Variants in DLG1 observed in about 807,000 individuals in gnomAD.
DLG1 encodes the protein discs large MAGUK scaffold protein 1.
In DLG1, 42 loss-of-function variants were observed where a neutral mutation model predicts 123.4. That is an observed-to-expected ratio of 0.34 (90% CI 0.27 to 0.44). DLG1 has a LOEUF of 0.44. Among genes scored for constraint, DLG1 ranks in the 20% least tolerant of loss-of-function variants. DLG1 has a pLI of 1.00. For synonymous variants in DLG1, 317 were observed against 356.2 expected (o/e 0.89, Z 1.24); for missense variants, 942 against 1,082.6 (o/e 0.87, Z 1.82).
At chr3:197,251,763 C>T (rs1485118915) in intron 4 of DLG1, among the ~76,000 whole-genome samples, 3 of 152,156 alleles carry the variant, frequency 2.0e-5, no homozygotes, top group Admixed American at 6.5e-5. Context: ...TTCCAAACTA[C>T]CCGTCTGACA....
At chr3:197,297,830 C>G (rs1421382709) in intron 1 of DLG1, 1 of 985,262 alleles carries the variant, frequency 1.0e-6, no homozygotes, top group East Asian at 1.1e-4. Context: ...GCGCTCGGAA[C>G]TGGGGTGCGC....
At chr3:197,290,282 C>T (rs1230030265) in intron 3 of DLG1, among the ~76,000 whole-genome samples, 1 of 152,164 alleles carries the variant, frequency 6.6e-6, no homozygotes, top group Admixed American at 6.5e-5. Context: ...TGTTAGAAAT[C>T]TTACTTTTCA....
At chr3:197,089,685 A>G (rs1189085833) in intron 15 of DLG1, among the ~76,000 whole-genome samples, 3 of 152,052 alleles carry the variant, frequency 2.0e-5, no homozygotes, top group African/African-American at 7.2e-5. Context: ...GGCAACACCT[A>G]TTAATTATAC....
At chr3:197,121,071 C>CA (rs67858620) in intron 11 of DLG1, among the ~76,000 whole-genome samples, 3 of 151,414 alleles carry the variant, frequency 2.0e-5, no homozygotes, top group African/African-American at 7.3e-5. Context: ...TTAGATGAAA[C>CA]AAAAAAAACA....
chr3:197,174,279 T>C (rs192403528), intron 5 of DLG1, among the ~76,000 whole-genome samples: 11 of 152,300 alleles, frequency 7.2e-5, no homozygotes, highest in African/African-American at 2.6e-4. Flanking sequence ...TTTAATTCTG[T>C]TGCAATTCTT....
rs74558224 is a variant in DLG1 at position 197,190,557 on chromosome 3, C to T, written c.483+3868G>A. On this transcript the variant is annotated intron_variant, in intron 5 of 24. Transcript: ENST00000667157. ...TTGTTCAAGGGTCAACTATAGTAGC[C>T]GTAATAGTGGTGGCACAATGCTTCG... Among the ~76,000 whole-genome samples the T allele has an allele frequency of 1.1e-3, 164 of 152,266 alleles. 2 individuals carry two copies. The East Asian group carries it at 0.03, about 28-fold the overall frequency.
At chr3:197,082,919 G>C (rs953657666) in intron 16 of DLG1, among the ~76,000 whole-genome samples, 5 of 152,112 alleles carry the variant, frequency 3.3e-5, no homozygotes, top group African/African-American at 9.7e-5. Flanking sequence ...ATTGGGTGTA[G>C]GCACAGAAAG....
At position 197,296,999 on chromosome 3, in the gene DLG1, A is replaced by G. The variant is rs1369344730; in HGVS notation, c.19+187T>C. On this transcript the variant is annotated intron_variant, in intron 2 of 24. Transcript: ENST00000667157. ...TCTTAATCACTAGAGAAATGTTAAG[A>G]AAGTTTAACAAACATTTTCGTGTTT... 7.5e-6 allele frequency: 5 copies of G among 670,784 alleles called. No homozygotes were observed. The African/African-American group carries it at 9.1e-5, about 12-fold the overall frequency. 41.6% of individuals were successfully genotyped at this position (670,784 alleles called of 1,614,324 possible). A position where few individuals can be genotyped will look rare whatever the true frequency, so the allele number is the denominator to read the frequency against.
chr3:197,079,810 T>C (rs1230722495), intron 17 of DLG1, among the ~76,000 whole-genome samples: 1 of 152,144 alleles, frequency 6.6e-6, no homozygotes, highest in Non-Finnish European at 1.5e-5. Context: ...TTCTAAAAAA[T>C]GGAATGTAAC....
At chr3:197,121,062 T>C (rs114964773) in intron 11 of DLG1, among the ~76,000 whole-genome samples, 1,814 of 126,996 alleles carry the variant, frequency 0.014, 40 homozygotes, top group African/African-American at 0.044. Context: ...TTTTCATATT[T>C]AGATGAAACA....
Position 197,084,779 on chromosome 3 carries a change from T to C in DLG1, c.1838+801A>G, listed in dbSNP as rs551942647. On this transcript the variant is annotated intron_variant, in intron 16 of 24. Transcript: ENST00000667157. The stretch of plus-strand genomic sequence containing the variant: ...TATGTGTATATTTTATATATATAGA[T>C]AGATATAGATATAGATATAGATATT... Among the ~76,000 whole-genome samples, 8 of 151,386 alleles carry C rather than the reference T, an allele frequency of 5.3e-5. No individual in the cohort carries two copies. The East Asian group carries it at 1.6e-3, about 29-fold the overall frequency.
intron 4 of DLG1, among the ~76,000 whole-genome samples, chr3:197,216,121 CTCTT>C (rs1163044748): frequency 6.6e-6 from 1 of 152,168 alleles, no homozygotes; most frequent in African/African-American, 2.4e-5. Flanking sequence ...AATATTGTTA[CTCTT>C]TCTTAAGATA....
At chr3:197,252,514 T>C in intron 4 of DLG1, among the ~76,000 whole-genome samples, 1 of 152,134 alleles carries the variant, frequency 6.6e-6, no homozygotes, top group East Asian at 1.9e-4. Context: ...ACTATACTTT[T>C]ATGTGGTACT....
rs184173147 is a variant in DLG1, at chr3:197,107,334, G to A, written c.1444-2329C>T. On this transcript the variant is annotated intron_variant, in intron 13 of 24. Transcript: ENST00000667157. ...CCAAGGCAGGCAGATCACGAGGTCA[G>A]GAGATCGAGACCTTCCTGGGTAACA... Among the ~76,000 whole-genome samples the A allele has an allele frequency of 2.8e-3, 426 of 152,248 alleles. 1 individual carries two copies. The highest frequency in any genetic ancestry group is 6.8e-3 in the Middle Eastern group (2 of 294).
chr3:197,156,670 A>G lies in DLG1; in HGVS notation c.484-6874T>C, dbSNP rs191541220. 1.7e-3 allele frequency among the ~76,000 whole-genome samples: 260 copies of G among 152,322 alleles called. 1 individual carries two copies. Among genetic ancestry groups the G allele is most frequent in the Admixed American group, 2.5e-3 (38 of 15,298 alleles). ...AGGAGTGGCTGTACTCATAACAGAC[A>G]AAATAGACTTTAAATAAAAAAAAGG... On this transcript the variant is annotated intron_variant, in intron 5 of 24. Transcript: ENST00000667157.
chr3:197,298,441 C>G, intron 1 of DLG1, 95 bp downstream of exon 1: 1 of 398,774 alleles, frequency 2.5e-6, no homozygotes, highest in Non-Finnish European at 4.4e-6. Context: ...ACCGGCGCGT[C>G]CCGCAGTTCC....
rs150185311 is a variant in DLG1 at position 197,137,839 on chromosome 3, G to A, written c.883+383C>T. 6.9e-4 allele frequency among the ~76,000 whole-genome samples: 105 copies of A among 152,044 alleles called. 1 individual carries two copies. The highest frequency in any genetic ancestry group is 2.3e-3 in the African/African-American group (95 of 41,502). On this transcript the variant is annotated intron_variant, in intron 9 of 24. Transcript: ENST00000667157. ...TAAAAAAAATCAGCCCAGTGTGGTG[G>A]TGTGTGCATGCAGTCCAAGCTACTT...
chr3:197,089,559 G>A (rs1756522910), intron 15 of DLG1, among the ~76,000 whole-genome samples: 1 of 150,108 alleles, frequency 6.7e-6, no homozygotes, highest in Non-Finnish European at 1.5e-5. Flanking sequence ...AGAAAATAGA[G>A]CATTACTTCT....
chr3:197,162,513 C>G (rs2149905047), intron 5 of DLG1, among the ~76,000 whole-genome samples: 1 of 152,044 alleles, frequency 6.6e-6, no homozygotes, highest in Non-Finnish European at 1.5e-5. Context: ...GAACAAATTG[C>G]CAGACTAAAA....
Sources: gnomAD v4.1 joint callset for allele counts (sites outside exome capture counted in the v4.1 genomes callset) on GRCh38, gnomAD v4.1.1 for gene constraint, MANE v1.5 for transcripts, NCBI Gene and HGNC (gene_info 2026-07-23, HGNC 2026-07-21) for gene names.